PTPRC: variants seen among roughly 807,000 people sequenced by gnomAD.
PTPRC encodes protein tyrosine phosphatase receptor type C, also known as receptor-type tyrosine-protein phosphatase C.
Under a neutral mutation model 155.9 loss-of-function variants are expected in PTPRC, and 44 were observed. The observed-to-expected ratio is 0.28, with a 90% confidence interval of 0.22 to 0.36. PTPRC has a LOEUF of 0.36. Ranked by LOEUF, PTPRC falls within the 10% of genes least tolerant of loss-of-function variation. The pLI is 1.00. For synonymous variants in PTPRC, 525 were observed against 533.1 expected (o/e 0.98, Z 0.21); for missense variants, 1,401 against 1,564.6 (o/e 0.90, Z 1.76).
At chr1:198,640,058 A>C (rs74134763) in intron 2 of PTPRC, among the ~76,000 whole-genome samples, 2,646 of 152,050 alleles carry the variant, frequency 0.017, 76 homozygotes, top group African/African-American at 0.061. Flanking sequence ...AAACTCTTAA[A>C]AATCATGCAA....
At chr1:198,651,031 G>T (rs1482871286) in intron 2 of PTPRC, among the ~76,000 whole-genome samples, 1 of 151,704 alleles carries the variant, frequency 6.6e-6, no homozygotes, top group Non-Finnish European at 1.5e-5. Context: ...TAATATTAAG[G>T]AATTTATAAT....
At chr1:198,680,124 C>G (rs1472301786) in intron 2 of PTPRC, 2 of 414,274 alleles carry the variant, frequency 4.8e-6, no homozygotes, top group African/African-American at 2.1e-5. Flanking sequence ...CCTCTGAAAA[C>G]TAGCCAGGGA....
At chr1:198,643,895 T>G (rs116281775) in intron 2 of PTPRC, among the ~76,000 whole-genome samples, 1 of 152,056 alleles carries the variant, frequency 6.6e-6, no homozygotes, top group African/African-American at 2.4e-5. Context: ...CCCTAGGTGT[T>G]GCATTATTTG....
intron 2 of PTPRC, chr1:198,679,691 GC>G: frequency 2.9e-6 from 1 of 344,640 alleles, no homozygotes; most frequent in South Asian, 8.4e-5. Context: ...GCCAGACATA[GC>G]GGTGGAGATC....
At chr1:198,685,585 T>A (rs1384913715) in intron 2 of PTPRC, among the ~76,000 whole-genome samples, 1 of 151,968 alleles carries the variant, frequency 6.6e-6, no homozygotes, top group Non-Finnish European at 1.5e-5. Context: ...ATATGATTTG[T>A]TAGATTTATT....
At chr1:198,734,259 T>C in intron 21 of PTPRC, 27 bp downstream of exon 21, 1 of 1,610,494 alleles carries the variant, frequency 6.2e-7, no homozygotes, top group African/African-American at 1.3e-5. Flanking sequence ...TCCAATATTC[T>C]TTTTGAAAAA....
At chr1:198,746,667 G>A (rs1381961115) in intron 26 of PTPRC, among the ~76,000 whole-genome samples, 1 of 151,774 alleles carries the variant, frequency 6.6e-6, no homozygotes, top group Non-Finnish European at 1.5e-5. Flanking sequence ...GGGAAGCTTA[G>A]ACTTGTGATG....
At chr1:198,684,262 T>C (rs1156397445) in intron 2 of PTPRC, among the ~76,000 whole-genome samples, 1 of 151,580 alleles carries the variant, frequency 6.6e-6, no homozygotes, top group East Asian at 1.9e-4. Flanking sequence ...TAACATGATG[T>C]TTTAAACCAA....
intron 23 of PTPRC, among the ~76,000 whole-genome samples, chr1:198,739,110 C>G (rs1296264686): frequency 6.6e-6 from 1 of 150,978 alleles, no homozygotes; most frequent in Non-Finnish European, 1.5e-5. Context: ...TAAAACAGAC[C>G]ACCAGAGAAA....
chr1:198,666,240 CAA>C (rs756815638), intron 2 of PTPRC, among the ~76,000 whole-genome samples: 38,231 of 101,286 alleles, frequency 0.38, 6,148 homozygotes, highest in Middle Eastern at 0.5. Flanking sequence ...GACCCTGTCT[CAA>C]AAAAAAAAAA....
chr1:198,711,054 G>T (rs992421582), intron 11 of PTPRC, among the ~76,000 whole-genome samples: 18 of 152,102 alleles, frequency 1.2e-4, no homozygotes, highest in African/African-American at 4.1e-4. Context: ...TCAATCTCCT[G>T]ACCTCATGAT....
chr1:198,656,319 A>C (rs1663563385), intron 2 of PTPRC, among the ~76,000 whole-genome samples: 3 of 152,138 alleles, frequency 2.0e-5, no homozygotes, highest in African/African-American at 7.2e-5. Context: ...TGTGTAAGGC[A>C]GTCATTTCCA....
chr1:198,689,791 TTCC>T (rs1571836039), intron 2 of PTPRC, among the ~76,000 whole-genome samples: 1 of 152,198 alleles, frequency 6.6e-6, no homozygotes, highest in Non-Finnish European at 1.5e-5. Context: ...TCTCCTCCTC[TTCC>T]TCATCTTATT....
chr1:198,674,081 A>G (rs1392257784), intron 2 of PTPRC, among the ~76,000 whole-genome samples: 2 of 152,220 alleles, frequency 1.3e-5, no homozygotes, highest in African/African-American at 2.4e-5. Flanking sequence ...TTTTGACTAA[A>G]CCCAGATTTA....
chr1:198,732,702 A>C, intron 20 of PTPRC, 146 bp downstream of exon 20: 1 of 652,394 alleles, frequency 1.5e-6, no homozygotes, highest in Non-Finnish European at 2.6e-6. Flanking sequence ...CAATATTAGC[A>C]AGGATAGTTA....
chr1:198,680,835 C>T (rs1230348089), intron 2 of PTPRC, among the ~76,000 whole-genome samples: 1 of 152,092 alleles, frequency 6.6e-6, no homozygotes, highest in Non-Finnish European at 1.5e-5. Context: ...TGCTCTGAAT[C>T]CTCTATTCCC....
intron 4 of PTPRC, among the ~76,000 whole-genome samples, chr1:198,698,900 G>A (rs906064304): frequency 6.6e-6 from 1 of 151,920 alleles, no homozygotes; most frequent in Non-Finnish European, 1.5e-5. Context: ...AACCATTGTT[G>A]TATATCCTCC....
chr1:198,751,933 A>C (rs1034099439), intron 29 of PTPRC, among the ~76,000 whole-genome samples: 5 of 152,052 alleles, frequency 3.3e-5, no homozygotes, highest in African/African-American at 9.7e-5. Context: ...AGAGGTCATG[A>C]TAAGCATGTG....
At chr1:198,718,683 C>A (rs546811358) in intron 14 of PTPRC, among the ~76,000 whole-genome samples, 1 of 152,116 alleles carries the variant, frequency 6.6e-6, no homozygotes, top group East Asian at 1.9e-4. Flanking sequence ...TTCACAGGTA[C>A]CTTGAGGTTA....
Sources: allele counts gnomAD v4.1 joint callset (sites outside exome capture counted in the v4.1 genomes callset), GRCh38; gene constraint gnomAD v4.1.1; transcripts MANE v1.5; gene names NCBI Gene and HGNC (gene_info 2026-07-23, HGNC 2026-07-21).